The following COL15A1 variants were observed in gnomAD, a reference collection of about 807,000 sequenced individuals.
The protein encoded by COL15A1 is collagen type XV alpha 1 chain, also known as collagen alpha-1(XV) chain.
Under a neutral mutation model 165.9 loss-of-function variants are expected in COL15A1, and 111 were observed. The observed-to-expected ratio is 0.67, with a 90% CI of 0.57 to 0.78. The LOEUF (loss-of-function observed/expected upper bound fraction) is 0.78. Among genes scored for constraint, COL15A1 ranks in the 30% least tolerant of loss-of-function variants. The probability of loss-of-function intolerance (pLI) is 0.00; values close to 1 mark genes in which losing one functional copy is unlikely to be tolerated. For synonymous variants in COL15A1, 659 were observed against 674.8 expected (o/e 0.98, Z 0.36); for missense variants, 1,745 against 1,789.7 (o/e 0.98, Z 0.45).
intron 11 of COL15A1, 26 bp from the exon 12 acceptor site, chr9:99,020,361 ACG>A: frequency 6.3e-7 from 1 of 1,589,104 alleles, no homozygotes; most frequent in South Asian, 1.1e-5. Flanking sequence ...TGTTGTGGCC[ACG>A]TTTTAACCAA....
intron 2 of COL15A1, among the ~76,000 whole-genome samples, chr9:98,969,229 T>C (rs907294226): frequency 2.0e-5 from 3 of 152,192 alleles, no homozygotes; most frequent in African/African-American, 7.2e-5. Context: ...AGAAGGCTAA[T>C]GTCACTGATA....
chr9:99,015,095 T>A (rs1049463761), intron 9 of COL15A1, among the ~76,000 whole-genome samples: 1 of 152,156 alleles, frequency 6.6e-6, no homozygotes, highest in Non-Finnish European at 1.5e-5. Flanking sequence ...CCCTAAGTAG[T>A]TCCCAGCTTG....
intron 2 of COL15A1, among the ~76,000 whole-genome samples, chr9:98,946,116 A>G (rs909867321): frequency 6.6e-6 from 1 of 152,266 alleles, no homozygotes; most frequent in African/African-American, 2.4e-5. Context: ...AATGCAATTT[A>G]ATATCCCTAA....
chr9:99,036,225 G>A lies in COL15A1; in HGVS notation c.2325+20G>A. 6.2e-7 allele frequency: 1 copy of A among 1,613,278 alleles called. No individual in the cohort carries two copies. Among genetic ancestry groups the A allele is most frequent in the Non-Finnish European group, 8.5e-7 (1 of 1,179,326 alleles). On this transcript the variant is annotated intron_variant, in intron 20 of 41. Coordinates refer to ENST00000375001, the MANE Select transcript of COL15A1 (RefSeq NM_001855.5). ...CCCAAGGTGAGGTCACAGAGCCAAG[G>A]TGGGGGTGGGAGGGCTTTCCAGCCT...
chr9:99,043,643 G>T (rs560673260), intron 24 of COL15A1, among the ~76,000 whole-genome samples: 1 of 152,238 alleles, frequency 6.6e-6, no homozygotes, highest in African/African-American at 2.4e-5. Flanking sequence ...ACCAGGTGTG[G>T]GCTTAGGGGG....
intron 16 of COL15A1, among the ~76,000 whole-genome samples, chr9:99,026,562 G>A (rs1174458758): frequency 6.6e-6 from 1 of 152,218 alleles, no homozygotes; most frequent in Admixed American, 6.5e-5. Flanking sequence ...TGCCTCTGTA[G>A]TGCATCCCCC....
chr9:99,048,988 T>G lies in COL15A1; in HGVS notation c.2794-702T>G, dbSNP rs114156770. 2.8e-3 allele frequency among the ~76,000 whole-genome samples: 421 copies of G among 152,202 alleles called. 1 individual carries two copies. Among genetic ancestry groups the G allele is most frequent in the African/African-American group, 9.1e-3 (377 of 41,530 alleles). On this transcript the variant is annotated intron_variant, in intron 28 of 41. Coordinates refer to ENST00000375001, the MANE Select transcript of COL15A1 (RefSeq NM_001855.5). ...CAGAAATCCAGAAATACTATTTTCC[T>G]GAAGCATTAGGGGTTGAGTCTCACT...
intron 5 of COL15A1, among the ~76,000 whole-genome samples, chr9:98,996,605 C>T (rs1052602113): frequency 6.6e-6 from 1 of 152,156 alleles, no homozygotes; most frequent in Non-Finnish European, 1.5e-5. Flanking sequence ...TCAATCATTC[C>T]CTCCTCTAAC....
chr9:98,995,412 A>C (rs1257785428), intron 5 of COL15A1, among the ~76,000 whole-genome samples: 1 of 152,116 alleles, frequency 6.6e-6, no homozygotes, highest in Non-Finnish European at 1.5e-5. Flanking sequence ...AGGACTCTCT[A>C]AAACACACAG....
intron 9 of COL15A1, among the ~76,000 whole-genome samples, chr9:99,010,546 C>T (rs1838833406): frequency 1.3e-5 from 2 of 152,208 alleles, no homozygotes; most frequent in Admixed American, 1.3e-4. Flanking sequence ...ATTCCTCAAA[C>T]AACAGGCTCT....
In COL15A1 at chr9:98,987,573, T is replaced by C. The variant is rs60554889; in HGVS notation, c.723+205T>C. ...CTGGTGTGGGGAGCTGTGTTTCTTA[T>C]AAGGTGTCAGGATCTTCCATGGCTG... On this transcript the variant is annotated intron_variant, in intron 4 of 41. Coordinates refer to ENST00000375001, the MANE Select transcript of COL15A1 (RefSeq NM_001855.5). 2.1e-3 allele frequency among the ~76,000 whole-genome samples: 326 copies of C among 152,340 alleles called. 3 individuals carry two copies. The highest frequency in any genetic ancestry group is 7.4e-3 in the African/African-American group (306 of 41,580).
chr9:99,018,153 AT>A (rs1445987283), intron 11 of COL15A1, among the ~76,000 whole-genome samples: 4 of 152,194 alleles, frequency 2.6e-5, no homozygotes, highest in African/African-American at 9.7e-5. Flanking sequence ...GTTCCTTCGT[AT>A]TATCTAATGC....
intron 2 of COL15A1, among the ~76,000 whole-genome samples, chr9:98,960,366 C>T (rs10819515): frequency 0.32 from 48,555 of 151,782 alleles, 8,146 homozygotes; most frequent in Non-Finnish European, 0.38. Flanking sequence ...CACCACTGAA[C>T]GAACCCCAGC....
At chr9:99,061,841 C>T (rs1200423643) in intron 36 of COL15A1, 130 bp from the exon 37 acceptor site, 2 of 922,070 alleles carry the variant, frequency 2.2e-6, no homozygotes, top group Non-Finnish European at 3.3e-6. Context: ...CTCTATCTGG[C>T]ACATTAACAA....
chr9:99,064,470 T>C (rs1055752801), intron 39 of COL15A1, among the ~76,000 whole-genome samples: 9 of 152,170 alleles, frequency 5.9e-5, no homozygotes, highest in Admixed American at 5.9e-4. Context: ...GAATAGGTTC[T>C]GAAGGTCTGA....
Position 99,069,717 on chromosome 9 carries a change from G to A in COL15A1, c.3998G>A (p.Arg1333His), listed in dbSNP as rs370429621. The A allele has an allele frequency of 6.9e-5, 111 of 1,613,542 alleles. No homozygotes were observed. The highest frequency in any genetic ancestry group is 4.0e-4 in the Admixed American group (24 of 60,020). ...IWHGSSPHGV[R>H]LVDNYCEAWR... is the part of the protein sequence containing the mutation. ...CATGGCTCCAGCCCCCATGGCGTCC[G>A]CCTTGTGGATAACTACTGTGAAGCA... The change falls in exon 42 of 42, where the codon CGC (arginine) becomes CAC (histidine). Residue 1333 changes from arginine (R) to histidine (H), a missense_variant. Transcript: ENST00000375001.
chr9:99,040,845 A>G (rs1839390430), intron 23 of COL15A1: 1 of 461,864 alleles, frequency 2.2e-6, no homozygotes, highest in Admixed American at 3.3e-5. Flanking sequence ...TACATTTTCT[A>G]AAGGCACATA....
chr9:99,044,029 T>C (rs943310894), intron 24 of COL15A1, among the ~76,000 whole-genome samples: 5 of 152,188 alleles, frequency 3.3e-5, no homozygotes, highest in African/African-American at 4.8e-5. Flanking sequence ...AAGGCCTCCA[T>C]GTTGACAGAG....
In COL15A1 at chr9:99,035,090, C is replaced by T. The variant is rs201969771; in HGVS notation, c.2156C>T (p.Pro719Leu). 333 of 1,609,034 alleles carry T rather than the reference C, an allele frequency of 2.1e-4. No homozygotes were observed. Among genetic ancestry groups the T allele is most frequent in the Middle Eastern group, 4.9e-4 (3 of 6,072 alleles). Reference protein sequence around the residue: ...GQAGPPGVMGPPGPPGPPGPP... With the variant: ...GQAGPPGVMGLPGPPGPPGPP... ...GCTGGCCCTCCTGGGGTCATGGGAC[C>T]CCCAGGGCCTCCTGGACCCCCTGGG... The change falls in exon 18 of 42, where the codon CCC becomes CTC. Residue 719 changes from proline (P) to leucine (L), a missense_variant. Pro to Leu is a moderately conservative substitution (Grantham distance 98). Transcript: ENST00000375001.
Sources: gnomAD v4.1 joint callset for allele counts (sites outside exome capture counted in the v4.1 genomes callset) on GRCh38, gnomAD v4.1.1 for gene constraint, MANE v1.5 for transcripts, NCBI Gene and HGNC (gene_info 2026-07-23, HGNC 2026-07-21) for gene names.